The following KCNH7 variants were observed in gnomAD, a reference collection of about 807,000 sequenced individuals.
KCNH7 encodes the protein potassium voltage-gated channel subfamily H member 7.
In KCNH7, 49 loss-of-function variants were observed where a neutral mutation model predicts 120.8. That is an observed-to-expected ratio of 0.41 (90% CI 0.32 to 0.51). KCNH7 has a LOEUF of 0.51. KCNH7 is among the 20% of genes least tolerant of loss of function. KCNH7 has a pLI of 0.38. For missense variants in KCNH7, 1,097 were observed against 1,446.6 expected, an observed-to-expected ratio of 0.76 and a Z score of 3.92; for synonymous variants, 547 against 516.1, an observed-to-expected ratio of 1.06 and a Z score of -0.81.
chr2:162,512,525 C>T (rs1691112635), intron 5 of KCNH7, 129 bp downstream of exon 5: 1 of 690,380 alleles, frequency 1.4e-6, no homozygotes, highest in Non-Finnish European at 2.5e-6. Flanking sequence ...ATGTCTCCAC[C>T]AGGCACCCCA....
intron 2 of KCNH7, among the ~76,000 whole-genome samples, chr2:162,587,223 C>T (rs1423185581): frequency 2.0e-5 from 3 of 152,052 alleles, no homozygotes; most frequent in African/African-American, 7.2e-5. Flanking sequence ...TTTCATCAAA[C>T]ACATTGACTA....
intron 2 of KCNH7, among the ~76,000 whole-genome samples, chr2:162,715,526 T>A (rs1290940583): frequency 6.6e-6 from 1 of 152,230 alleles, no homozygotes; most frequent in African/African-American, 2.4e-5. Context: ...TCCCTGTAGC[T>A]ATGCCCTTCA....
chr2:162,538,295 T>C (rs915636746), intron 2 of KCNH7, among the ~76,000 whole-genome samples: 1 of 152,080 alleles, frequency 6.6e-6, no homozygotes, highest in Non-Finnish European at 1.5e-5. Context: ...CCCAAGACAA[T>C]TCTTCCAATG....
At chr2:162,703,499 A>G (rs1184761821) in intron 2 of KCNH7, among the ~76,000 whole-genome samples, 1 of 152,166 alleles carries the variant, frequency 6.6e-6, no homozygotes, top group African/African-American at 2.4e-5. Context: ...AAAATGTTAG[A>G]ACAAGAAATG....
chr2:162,703,884 C>G lies in KCNH7; in HGVS notation c.307+132653G>C, dbSNP rs557541986. ...TATGATCTCAACAAAATGGCAGAAA[C>G]AGAAGATGCTTTGATCAAGCAATCC... is the stretch of plus-strand genomic sequence containing the variant. On this transcript the variant is annotated intron_variant, in intron 2 of 15. Coordinates refer to ENST00000332142, the MANE Select transcript of KCNH7 (RefSeq NM_033272.4). 2.2e-3 allele frequency among the ~76,000 whole-genome samples: 342 copies of G among 152,214 alleles called. 1 individual carries two copies. The highest frequency in any genetic ancestry group is 7.7e-3 in the African/African-American group (321 of 41,554).
chr2:162,538,825 C>T (rs111986860), intron 2 of KCNH7, among the ~76,000 whole-genome samples: 32 of 152,086 alleles, frequency 2.1e-4, no homozygotes, highest in African/African-American at 7.5e-4. Context: ...AGGAATTGAT[C>T]GACAGATATA....
intron 2 of KCNH7, among the ~76,000 whole-genome samples, chr2:162,714,979 A>G (rs1687061310): frequency 6.6e-6 from 1 of 152,208 alleles, no homozygotes; most frequent in African/African-American, 2.4e-5. Flanking sequence ...TGTCATGCTA[A>G]TAATGAGAAT....
In KCNH7 at chr2:162,530,757, A is replaced by T. The variant is rs118033965; in HGVS notation, c.463+6168T>A. 3.4e-3 allele frequency among the ~76,000 whole-genome samples: 523 copies of T among 152,066 alleles called. 16 individuals carry two copies. The East Asian group carries it at 0.09, about 26-fold the overall frequency. On this transcript the variant is annotated intron_variant, in intron 3 of 15. Coordinates refer to ENST00000332142, the MANE Select transcript of KCNH7 (RefSeq NM_033272.4). ...TTTAAGTGGCTATCACTGGAACAAC[A>T]ATGTTTGAAATAGCCAGTATCATTA...
intron 2 of KCNH7, among the ~76,000 whole-genome samples, chr2:162,613,548 T>C (rs1038844240): frequency 3.9e-5 from 6 of 152,050 alleles, no homozygotes; most frequent in Non-Finnish European, 8.8e-5. Context: ...ACTTTAATTG[T>C]CATTATTTTT....
chr2:162,640,607 C>A (rs1684119839), intron 2 of KCNH7, among the ~76,000 whole-genome samples: 1 of 151,878 alleles, frequency 6.6e-6, no homozygotes, highest in African/African-American at 2.4e-5. Flanking sequence ...CTTTTAGAAC[C>A]AAACATGGAA....
At chr2:162,530,444 A>T (rs542132680) in intron 3 of KCNH7, among the ~76,000 whole-genome samples, 1 of 151,846 alleles carries the variant, frequency 6.6e-6, no homozygotes, top group South Asian at 2.1e-4. Flanking sequence ...TACCACTCTG[A>T]GACACGCTAG....
chr2:162,821,847 G>T (rs11678339), intron 2 of KCNH7, among the ~76,000 whole-genome samples: 32,673 of 151,732 alleles, frequency 0.22, 3,752 homozygotes, highest in East Asian at 0.32. Flanking sequence ...GGGAGTGGAG[G>T]GTTGGACTGA....
chr2:162,498,773 A>T (rs1332424988), intron 6 of KCNH7, among the ~76,000 whole-genome samples: 1 of 152,138 alleles, frequency 6.6e-6, no homozygotes, highest in Non-Finnish European at 1.5e-5. Context: ...AACTGTGAGC[A>T]TTAGGTGAGA....
intron 2 of KCNH7, among the ~76,000 whole-genome samples, chr2:162,559,148 AT>A (rs1692972712): frequency 1.3e-5 from 2 of 151,002 alleles, no homozygotes; most frequent in South Asian, 4.2e-4. Context: ...TCTAGTTTTT[AT>A]TTTTCAATGT....
At chr2:162,529,097 C>T (rs1691823623) in intron 3 of KCNH7, among the ~76,000 whole-genome samples, 1 of 151,896 alleles carries the variant, frequency 6.6e-6, no homozygotes, top group Admixed American at 6.6e-5. Flanking sequence ...CTAAAATCTT[C>T]TAAAGGAGAT....
At chr2:162,616,513 T>A (rs1683146003) in intron 2 of KCNH7, among the ~76,000 whole-genome samples, 1 of 152,226 alleles carries the variant, frequency 6.6e-6, no homozygotes, top group African/African-American at 2.4e-5. Flanking sequence ...TGGGTCTTTG[T>A]TCCTCATCTG....
At chr2:162,533,929 C>A (rs184452669) in intron 3 of KCNH7, among the ~76,000 whole-genome samples, 60 of 151,188 alleles carry the variant, frequency 4.0e-4, no homozygotes, top group African/African-American at 1.2e-3. Flanking sequence ...AAACCACGGG[C>A]AAATTTTAGA....
intron 2 of KCNH7, among the ~76,000 whole-genome samples, chr2:162,800,034 T>C (rs556615178): frequency 1.3e-5 from 2 of 151,784 alleles, no homozygotes; most frequent in South Asian, 2.1e-4. Context: ...AATATAAATA[T>C]ATACATTTTA....
intron 2 of KCNH7, among the ~76,000 whole-genome samples, chr2:162,624,397 C>T (rs1203431964): frequency 1.3e-5 from 2 of 152,104 alleles, no homozygotes; most frequent in African/African-American, 4.8e-5. Flanking sequence ...GAGGATACTA[C>T]TGTATAACAT....
Sources: gnomAD v4.1 joint callset for allele counts (sites outside exome capture counted in the v4.1 genomes callset) on GRCh38, gnomAD v4.1.1 for gene constraint, MANE v1.5 for transcripts, NCBI Gene and HGNC (gene_info 2026-07-23, HGNC 2026-07-21) for gene names.